The following NCALD variants were observed in gnomAD, a reference collection of about 807,000 sequenced individuals.
The protein encoded by NCALD is neurocalcin-delta.
In NCALD, 10 loss-of-function variants were observed where a neutral mutation model predicts 18.6. That is an observed-to-expected ratio of 0.54 (90% CI 0.33 to 0.91). The LOEUF (loss-of-function observed/expected upper bound fraction) is 0.91, where lower values mean the gene tolerates loss of function less well. Ranked by LOEUF, NCALD falls within the 40% of genes least tolerant of loss-of-function variation. The pLI, the probability that NCALD is intolerant of heterozygous loss-of-function variation, is 0.03. For missense variants in NCALD, 184 were observed against 247.6 expected (o/e 0.74, Z 1.72); for synonymous variants, 88 against 87.4 (o/e 1.01, Z -0.04).
intron 4 of NCALD, among the ~76,000 whole-genome samples, chr8:101,861,435 T>C (rs1815537911): frequency 6.6e-6 from 1 of 151,910 alleles, no homozygotes; most frequent in South Asian, 2.1e-4. Context: ...GCTAAAAACA[T>C]GGGTGGAACA....
chr8:101,777,901 T>C (rs1811859637), intron 1 of NCALD, among the ~76,000 whole-genome samples: 2 of 152,196 alleles, frequency 1.3e-5, no homozygotes, highest in South Asian at 2.1e-4. Context: ...AAAACCACAA[T>C]GTAAAAGAGA....
chr8:101,798,198 G>A (rs1214502729), intron 4 of NCALD, among the ~76,000 whole-genome samples: 1 of 152,164 alleles, frequency 6.6e-6, no homozygotes, highest in South Asian at 2.1e-4. Flanking sequence ...ATACAGTTTG[G>A]AAAGGAAGAA....
chr8:101,767,987 C>T (rs1811420428), intron 1 of NCALD, among the ~76,000 whole-genome samples: 1 of 152,192 alleles, frequency 6.6e-6, no homozygotes, highest in African/African-American at 2.4e-5. Context: ...ATTTTATTTT[C>T]CTAATCTCAC....
chr8:102,007,834 G>A (rs1821765460), intron 2 of NCALD, among the ~76,000 whole-genome samples: 1 of 152,166 alleles, frequency 6.6e-6, no homozygotes. Context: ...CAACCAAACA[G>A]ACTGACAGTG....
intron 4 of NCALD, among the ~76,000 whole-genome samples, chr8:101,842,597 T>G (rs1392255979): frequency 6.6e-6 from 1 of 152,242 alleles, no homozygotes; most frequent in Non-Finnish European, 1.5e-5. Flanking sequence ...AGATGGCTAT[T>G]GCAGCCTTAA....
At chr8:102,050,538 G>T (rs1178723760) in intron 1 of NCALD, among the ~76,000 whole-genome samples, 1 of 150,692 alleles carries the variant, frequency 6.6e-6, no homozygotes, top group Non-Finnish European at 1.5e-5. Context: ...AGACAGAAAT[G>T]CAGCACTTCC....
chr8:102,123,276 G>A (rs1825994740), intron 1 of NCALD, among the ~76,000 whole-genome samples: 2 of 152,116 alleles, frequency 1.3e-5, no homozygotes, highest in African/African-American at 4.8e-5. Context: ...CACCGTAGCT[G>A]CCCTACGGAA....
Position 101,734,026 on chromosome 8 carries a change from C to T in NCALD, c.-19-14378G>A, listed in dbSNP as rs150177003. ...AGTGTCACTCATCAGTCACAGCAAC[C>T]GTGTGATGCTTGGCTGTGTTGATGG... On this transcript the variant is annotated intron_variant, in intron 1 of 3. Transcript: ENST00000220931. Among the ~76,000 whole-genome samples the T allele has an allele frequency of 2.2e-4, 33 of 152,276 alleles. 2 individuals are homozygous for T. The highest frequency in any genetic ancestry group is 6.0e-4 in the African/African-American group (25 of 41,566).
intron 2 of NCALD, among the ~76,000 whole-genome samples, chr8:101,938,116 AC>A (rs1174440295): frequency 6.6e-6 from 1 of 152,062 alleles, no homozygotes; most frequent in Non-Finnish European, 1.5e-5. Flanking sequence ...ATTCCGATAA[AC>A]CTTCTGCTTA....
chr8:101,840,464 T>C (rs1814599309), intron 4 of NCALD, among the ~76,000 whole-genome samples: 1 of 152,218 alleles, frequency 6.6e-6, no homozygotes, highest in African/African-American at 2.4e-5. Flanking sequence ...TTTTTTACTA[T>C]ATCAAAAGCT....
chr8:102,057,332 G>A (rs567236893), intron 1 of NCALD, among the ~76,000 whole-genome samples: 1 of 151,456 alleles, frequency 6.6e-6, no homozygotes, highest in African/African-American at 2.4e-5. Context: ...TCTGACTCCT[G>A]TATCTCTTTC....
chr8:101,711,715 T>TA (rs1439105028), intron 2 of NCALD, among the ~76,000 whole-genome samples: 1 of 151,188 alleles, frequency 6.6e-6, no homozygotes, highest in Non-Finnish European at 1.5e-5. Context: ...AAGACAAGAT[T>TA]AGAGAAAAAA....
chr8:101,903,456 A>G (rs1012775775), intron 3 of NCALD, among the ~76,000 whole-genome samples: 10 of 152,002 alleles, frequency 6.6e-5, no homozygotes, highest in African/African-American at 2.4e-4. Context: ...CAGCCTCCCA[A>G]AGTGCTGGGG....
chr8:101,705,262 T>A (rs181889205), intron 2 of NCALD, among the ~76,000 whole-genome samples: 18 of 146,970 alleles, frequency 1.2e-4, no homozygotes, highest in Non-Finnish European at 4.4e-5. Context: ...AAATAAAATT[T>A]AAAAATAAAA....
chr8:101,840,721 ATCACTCACATACAT>A (rs1814610185), intron 4 of NCALD, among the ~76,000 whole-genome samples: 1 of 152,232 alleles, frequency 6.6e-6, no homozygotes, highest in Non-Finnish European at 1.5e-5. Flanking sequence ...ATGTGTGCCT[ATCACTCACATACAT>A]AAACTGTATT....
chr8:101,880,731 G>A (rs564698665), intron 4 of NCALD, among the ~76,000 whole-genome samples: 1 of 152,340 alleles, frequency 6.6e-6, no homozygotes, highest in South Asian at 2.1e-4. Context: ...ATTTGAGAAT[G>A]TTTTGTGAAA....
chr8:101,964,570 C>G (rs1480186812), intron 2 of NCALD, among the ~76,000 whole-genome samples: 1 of 152,142 alleles, frequency 6.6e-6, no homozygotes, highest in East Asian at 1.9e-4. Context: ...GGAATTGGTG[C>G]ACATGACTTC....
intron 3 of NCALD, among the ~76,000 whole-genome samples, chr8:101,890,045 T>C (rs1335428236): frequency 6.6e-6 from 1 of 152,166 alleles, no homozygotes; most frequent in Non-Finnish European, 1.5e-5. Context: ...GAGCTTGCAT[T>C]CATCCAAAGG....
intron 4 of NCALD, among the ~76,000 whole-genome samples, chr8:101,821,489 T>C (rs1813715502): frequency 6.6e-6 from 1 of 152,158 alleles, no homozygotes; most frequent in African/African-American, 2.4e-5. Flanking sequence ...TGAACCAAGT[T>C]GTCTCTGAAG....
Sources: gnomAD v4.1 joint callset for allele counts (sites outside exome capture counted in the v4.1 genomes callset) on GRCh38, gnomAD v4.1.1 for gene constraint, MANE v1.5 for transcripts, NCBI Gene and HGNC (gene_info 2026-07-23, HGNC 2026-07-21) for gene names.